The following GTF3C5 variants were observed in gnomAD, a reference collection of about 807,000 sequenced individuals.
GTF3C5 encodes general transcription factor IIIC subunit 5, also known as general transcription factor 3C polypeptide 5.
A neutral mutation model predicts 61.0 loss-of-function variants in GTF3C5; 47 were observed. The observed-to-expected ratio is 0.77, with a 90% CI of 0.61 to 0.98. The LOEUF (loss-of-function observed/expected upper bound fraction) is 0.98, where lower values mean the gene tolerates loss of function less well. Among genes scored for constraint, GTF3C5 ranks in the 50% least tolerant of loss-of-function variants. The probability of loss-of-function intolerance (pLI) is 0.00; values close to 1 mark genes in which losing one functional copy is unlikely to be tolerated. For synonymous variants in GTF3C5, 295 were observed against 275.4 expected (o/e 1.07, Z -0.71); for missense variants, 659 against 703.3 (o/e 0.94, Z 0.71).
rs1188727549 is a variant in GTF3C5, at chr9:133,031,160, C to G, written c.149C>G (p.Ser50Cys). 1.3e-6 allele frequency: 2 copies of G among 1,570,228 alleles called. No homozygotes were observed. Among genetic ancestry groups the G allele is most frequent in the South Asian group, 2.3e-5 (2 of 86,498 alleles). ...ACTCTGGGCGGCGAGGAAGGCGTCT[C>G]CCGGGTAAGGGGCTGGGAATCTCGG... Reference protein sequence around the residue: ...LPTLGGEEGVSRIYADPTKRL... With the variant: ...LPTLGGEEGVCRIYADPTKRL... Residue 50 changes from serine to cysteine, a missense_variant, in exon 1 of 11, where the codon TCC becomes TGC. By Grantham distance (112) the Ser-to-Cys change is moderately radical. Transcript: ENST00000372097.
At chr9:133,036,538 T>G (rs1849865303) in intron 1 of GTF3C5, among the ~76,000 whole-genome samples, 1 of 152,128 alleles carries the variant, frequency 6.6e-6, no homozygotes, top group South Asian at 2.1e-4. Context: ...CTTGAGTAAG[T>G]ACCCCTAAAG....
chr9:133,031,861 G>A (rs1204930115), intron 1 of GTF3C5, among the ~76,000 whole-genome samples: 2 of 152,154 alleles, frequency 1.3e-5, no homozygotes, highest in African/African-American at 2.4e-5. Context: ...TTGGTGGGAA[G>A]GATGGTTACA....
chr9:133,040,525 A>G (rs1449293194), intron 1 of GTF3C5, among the ~76,000 whole-genome samples: 2 of 152,182 alleles, frequency 1.3e-5, no homozygotes, highest in Non-Finnish European at 1.5e-5. Flanking sequence ...TATGACATAG[A>G]TGCTATTCTT....
At chr9:133,040,933 CT>C (rs1194273104) in intron 1 of GTF3C5, among the ~76,000 whole-genome samples, 2 of 152,196 alleles carry the variant, frequency 1.3e-5, no homozygotes, top group Non-Finnish European at 2.9e-5. Context: ...AGGAATTACT[CT>C]TTATTCCAAT....
At chr9:133,053,711 C>T (rs985882553) in intron 5 of GTF3C5, 117 bp from the exon 6 acceptor site, 5 of 596,530 alleles carry the variant, frequency 8.4e-6, no homozygotes, top group Non-Finnish European at 1.5e-5. Flanking sequence ...CAGGGCTGGG[C>T]ATCCAGAGCC....
intron 1 of GTF3C5, among the ~76,000 whole-genome samples, chr9:133,033,256 CG>C (rs1367746830): frequency 6.6e-6 from 1 of 152,044 alleles, no homozygotes; most frequent in East Asian, 1.9e-4. Context: ...AAAGGAACCA[CG>C]GGGGGCATCT....
Position 133,053,885 on chromosome 9 carries a change from C to G in GTF3C5, c.931C>G (p.Pro311Ala). ...IRFGYDPRKN[P>A]DAKIYQVLDF... ...ATTTGGGTATGACCCCCGAAAAAAC[C>G]CAGATGCCAAGATTTATCAAGTCCT... Residue 311 changes from proline (P) to alanine (A), a missense_variant, in exon 6 of 11, where the codon CCA becomes GCA. Transcript: ENST00000372097. 6.2e-7 allele frequency: 1 copy of G among 1,613,524 alleles called. No homozygotes were observed. Among genetic ancestry groups the G allele is most frequent in the South Asian group, 1.1e-5 (1 of 91,040 alleles).
At chr9:133,036,767 A>G (rs769222425) in intron 1 of GTF3C5, among the ~76,000 whole-genome samples, 12 of 152,094 alleles carry the variant, frequency 7.9e-5, no homozygotes, top group Non-Finnish European at 1.5e-4. Context: ...TATCCAACCA[A>G]TCCTAGGAAT....
intron 4 of GTF3C5, among the ~76,000 whole-genome samples, chr9:133,051,367 C>T (rs2119021551): frequency 6.6e-6 from 1 of 152,338 alleles, no homozygotes; most frequent in African/African-American, 2.4e-5. Flanking sequence ...AGGCAGCCCT[C>T]CTTCCCCGGG....
Position 133,052,099 on chromosome 9 carries a change from A to G in GTF3C5, c.808A>G (p.Lys270Glu), listed in dbSNP as rs1052026942. The G allele has an allele frequency of 1.9e-6, 3 of 1,609,036 alleles. No homozygotes were observed. The highest frequency in any genetic ancestry group is 1.7e-6 in the Non-Finnish European group (2 of 1,177,226). ...IRPIWSRNAV[K>E]ANISVHPDKL... Reference sequence around the variant, plus strand: ...TCCCATCTGGTCCCGAAATGCTGTCAAGGCCAACATCAGCGTCCACCCAGA... The same window carrying G: ...TCCCATCTGGTCCCGAAATGCTGTCGAGGCCAACATCAGCGTCCACCCAGA... The change falls in exon 5 of 11, where the codon AAG (lysine) becomes GAG (glutamate). Residue 270 changes from lysine to glutamate, a missense_variant. Physicochemically the swap from Lys to Glu is moderately conservative, Grantham distance 56. Transcript: ENST00000372097.
intron 3 of GTF3C5, among the ~76,000 whole-genome samples, chr9:133,048,746 C>T (rs1432450939): frequency 6.6e-6 from 1 of 152,244 alleles, no homozygotes; most frequent in African/African-American, 2.4e-5. Flanking sequence ...TACTGCTCTG[C>T]CCTGTGGGCC....
intron 3 of GTF3C5, among the ~76,000 whole-genome samples, chr9:133,049,616 G>T (rs1850311593): frequency 1.3e-5 from 2 of 152,058 alleles, no homozygotes; most frequent in South Asian, 4.2e-4. Flanking sequence ...GGCTTGTGGG[G>T]GTTCTTTACA....
chr9:133,051,010 C>A, intron 4 of GTF3C5, 32 bp downstream of exon 4: 1 of 1,507,376 alleles, frequency 6.6e-7, no homozygotes, highest in Non-Finnish European at 8.9e-7. Flanking sequence ...GCCCCGGTGG[C>A]TCCAGCCTCT....
At chr9:133,045,693 G>C (rs28503411) in intron 3 of GTF3C5, among the ~76,000 whole-genome samples, 2,035 of 152,282 alleles carry the variant, frequency 0.013, 60 homozygotes, top group African/African-American at 0.046. Context: ...CTGGAGTGCA[G>C]TGGCGCGATC....
chr9:133,038,142 G>A (rs76402072), intron 1 of GTF3C5, among the ~76,000 whole-genome samples: 2,880 of 152,152 alleles, frequency 0.019, 49 homozygotes, highest in Middle Eastern at 0.031. Flanking sequence ...GCAAGGAGGC[G>A]CAAAGAACAA....
At chr9:133,049,389 C>T (rs993411904) in intron 3 of GTF3C5, among the ~76,000 whole-genome samples, 1 of 152,210 alleles carries the variant, frequency 6.6e-6, no homozygotes, top group East Asian at 1.9e-4. Flanking sequence ...GGCTCGATCC[C>T]GTCTTTCTAG....
intron 6 of GTF3C5, among the ~76,000 whole-genome samples, chr9:133,054,177 C>T (rs777421689): frequency 3.9e-5 from 6 of 152,370 alleles, no homozygotes; most frequent in Admixed American, 2.0e-4. Flanking sequence ...AGTGACTCCA[C>T]GTGCCCTATG....
In GTF3C5 at chr9:133,058,187, G is replaced by C. The variant is rs115936120; in HGVS notation, c.*207G>C. ...GCTGCCTCTGGTCCTGAGGGGTTAG[G>C]GACATCCCCAAAGGGTATACCCTGG... On this transcript the variant is annotated 3_prime_UTR_variant, in exon 11 of 11. Coordinates refer to ENST00000372097, the MANE Select transcript of GTF3C5 (RefSeq NM_012087.4). The C allele has an allele frequency of 5.5e-4, 758 of 1,388,378 alleles. 4 individuals are homozygous for C. In the African/African-American group the frequency reaches 0.01, roughly 19 times the overall value. 86.0% of individuals were successfully genotyped at this position (1,388,378 alleles called of 1,614,324 possible).
At chr9:133,041,206 A>T (rs1463236512) in intron 1 of GTF3C5, among the ~76,000 whole-genome samples, 1 of 152,158 alleles carries the variant, frequency 6.6e-6, no homozygotes, top group Non-Finnish European at 1.5e-5. Flanking sequence ...CTGCAAAGGG[A>T]GTCTCCCTTT....
Sources: allele counts gnomAD v4.1 joint callset (sites outside exome capture counted in the v4.1 genomes callset), GRCh38; gene constraint gnomAD v4.1.1; transcripts MANE v1.5; gene names NCBI Gene and HGNC (gene_info 2026-07-23, HGNC 2026-07-21).